MGST1: variants seen among roughly 807,000 people sequenced by gnomAD.
MGST1 encodes the protein microsomal glutathione S-transferase 1, also known as glutathione S-transferase 12.
In MGST1, 5 loss-of-function variants were observed where a neutral mutation model predicts 8.9. The observed-to-expected ratio is 0.56, with a 90% CI of 0.29 to 1.19. MGST1 has a LOEUF of 1.19. MGST1 is among the 50% of genes most tolerant of loss of function. The pLI is 0.08. For synonymous variants in MGST1, 54 were observed against 67.8 expected (o/e 0.80, Z 1.00); for missense variants, 182 against 187.4 (o/e 0.97, Z 0.17).
intron 1 of MGST1, among the ~76,000 whole-genome samples, chr12:16,416,927 C>T (rs1370819232): frequency 6.6e-6 from 1 of 151,962 alleles, no homozygotes; most frequent in African/African-American, 2.4e-5. Flanking sequence ...AAAGTGTGGA[C>T]CAAAAGCATG....
chr12:16,552,678 T>C (rs1942034018), intron 4 of MGST1, among the ~76,000 whole-genome samples: 1 of 152,106 alleles, frequency 6.6e-6, no homozygotes, highest in Non-Finnish European at 1.5e-5. Context: ...TCCCCAGGAT[T>C]ACTGCCTGCT....
At chr12:16,455,079 A>G (rs763169296) in intron 4 of MGST1, among the ~76,000 whole-genome samples, 8 of 151,904 alleles carry the variant, frequency 5.3e-5, no homozygotes, top group Non-Finnish European at 1.2e-4. Flanking sequence ...ATGTGTAAAA[A>G]TGAAAACTTT....
rs1012454931 is a variant in MGST1 at position 16,433,096 on chromosome 12, G to A, written n.779-4292G>A. On this transcript the variant is annotated intron_variant and non_coding_transcript_variant, in intron 1 of 1. Coordinates refer to the MGST1 transcript ENST00000359720. ...GGCCGTCTGCAAGCTGAGGAGCGAGGAAGCCAGTCCAAGTCCCAAAACTGA... is the reference window on the plus strand; with the variant it reads ...GGCCGTCTGCAAGCTGAGGAGCGAGAAAGCCAGTCCAAGTCCCAAAACTGA... Among the ~76,000 whole-genome samples, 6 of 152,050 alleles carry A rather than the reference G, an allele frequency of 3.9e-5. 1 individual carries two copies. The highest frequency in any genetic ancestry group is 1.4e-4 in the African/African-American group (6 of 41,422).
In MGST1 at chr12:16,350,093, T is replaced by C. The variant is rs546889693; in HGVS notation, c.-23+2383T>C. ...TAAGGCTCACAAGAATCCAGTGAAA[T>C]GGGAGTTCTTATTCAACTCCTTTCA... is the stretch of plus-strand genomic sequence containing the variant. On this transcript the variant is annotated intron_variant, in intron 1 of 3. Coordinates refer to ENST00000396210, the MANE Select transcript of MGST1 (RefSeq NM_020300.5). Among the ~76,000 whole-genome samples the C allele has an allele frequency of 6.6e-5, 10 of 152,270 alleles. No homozygotes were observed. The South Asian group carries it at 1.7e-3, about 25-fold the overall frequency.
chr12:16,400,933 C>T (rs1940649743), intron 1 of MGST1: 1 of 1,315,996 alleles, frequency 7.6e-7, no homozygotes, highest in Non-Finnish European at 1.1e-6. Context: ...CCTGTTCTCC[C>T]TTTTGTTCAG....
At chr12:16,451,611 A>G (rs1429322240) in intron 4 of MGST1, among the ~76,000 whole-genome samples, 1 of 151,902 alleles carries the variant, frequency 6.6e-6, no homozygotes, top group Non-Finnish European at 1.5e-5. Context: ...AACCTGTAAA[A>G]AACAAAAAAG....
chr12:16,417,835 C>T (rs1940799995), intron 1 of MGST1, among the ~76,000 whole-genome samples: 1 of 152,114 alleles, frequency 6.6e-6, no homozygotes, highest in Admixed American at 6.6e-5. Flanking sequence ...TCCCCAAACA[C>T]AACTACTAAA....
At chr12:16,511,760 T>A (rs1340498559) in intron 4 of MGST1, among the ~76,000 whole-genome samples, 1 of 152,192 alleles carries the variant, frequency 6.6e-6, no homozygotes, top group East Asian at 1.9e-4. Context: ...CTTTTCTTTT[T>A]CACCCCTTCT....
chr12:16,458,587 G>A lies in MGST1; in HGVS notation n.482+74983G>A, dbSNP rs1426100605. On this transcript the variant is annotated intron_variant and non_coding_transcript_variant, in intron 4 of 4. Transcript: ENST00000538857. This position sits in a 1 kb window ranked among gnomAD's most constrained non-coding sequence, Gnocchi z 4.0. ...TTATCAATGAATCTTGGCTGTACAA[G>A]GAAAAGTATTGCTTTAATATGTGTA... 6.6e-6 allele frequency among the ~76,000 whole-genome samples: 1 copy of A among 151,930 alleles called. No individual in the cohort carries two copies. Among genetic ancestry groups the A allele is most frequent in the East Asian group, 1.9e-4 (1 of 5,164 alleles).
intron 1 of MGST1, among the ~76,000 whole-genome samples, chr12:16,427,263 G>A (rs10772936): frequency 0.49 from 73,788 of 151,918 alleles, 18,011 homozygotes; most frequent in Non-Finnish European, 0.52. Context: ...GGTGATGAGT[G>A]GGAATGATCT....
intron 4 of MGST1, among the ~76,000 whole-genome samples, chr12:16,457,329 A>C (rs1324299368): frequency 6.6e-6 from 1 of 151,958 alleles, no homozygotes; most frequent in Non-Finnish European, 1.5e-5. Flanking sequence ...GAAACTTAGG[A>C]GTGTGCTCTA....
At chr12:16,462,462 A>G (rs1210715979) in intron 4 of MGST1, among the ~76,000 whole-genome samples, 2 of 152,178 alleles carry the variant, frequency 1.3e-5, no homozygotes, top group East Asian at 1.9e-4. Flanking sequence ...TAAATAGTAC[A>G]TCAATGAACT....
chr12:16,375,755 A>C (rs542347816), intron 3 of MGST1, among the ~76,000 whole-genome samples: 3 of 152,066 alleles, frequency 2.0e-5, no homozygotes, highest in Admixed American at 1.3e-4. Flanking sequence ...TGTTTTATCT[A>C]AAACAAAACA....
intron 4 of MGST1, among the ~76,000 whole-genome samples, chr12:16,467,057 T>C (rs61915303): frequency 6.6e-5 from 10 of 152,014 alleles, no homozygotes; most frequent in African/African-American, 2.2e-4. Flanking sequence ...TGTTCTTTTA[T>C]TTAAAAAAAA....
Position 16,364,274 on chromosome 12 carries a change from T to G in MGST1, c.*233T>G, listed in dbSNP as rs1001537066. The G allele has an allele frequency of 1.5e-5, 18 of 1,196,290 alleles. No individual in the cohort carries two copies. The highest frequency in any genetic ancestry group is 1.9e-5 in the Non-Finnish European group (18 of 961,608). The allele number at this position is 1,196,290 out of a possible 1,614,324, so 74.1% of individuals were successfully genotyped here. ...TTGTCTGATTTTTAAAGTACTTTCT[T>G]ATAAATTTGGATCATGTTATGATTT... On this transcript the variant is annotated 3_prime_UTR_variant, in exon 4 of 4. Transcript: ENST00000396210. This position sits in a 1 kb window ranked among gnomAD's most constrained non-coding sequence, Gnocchi z 5.7.
At chr12:16,397,637 A>G (rs1274668060) in intron 1 of MGST1, among the ~76,000 whole-genome samples, 2 of 152,014 alleles carry the variant, frequency 1.3e-5, no homozygotes, top group South Asian at 2.1e-4. Context: ...TGAATAGACA[A>G]TTCTCAATAA....
rs1023171376 is a variant in MGST1 at position 16,513,943 on chromosome 12, G to A, written n.483-75585G>A. 8.5e-5 allele frequency: 45 copies of A among 530,972 alleles called. No homozygotes were observed. The highest frequency in any genetic ancestry group is 5.8e-4 in the South Asian group (33 of 56,524). 32.9% of individuals were successfully genotyped at this position (530,972 alleles called of 1,614,324 possible). ...TCGATACTATGACCGCAAGACTTGC[G>A]GTTTTGACTTCACAGACACTGTGGA... On this transcript the variant is annotated intron_variant and non_coding_transcript_variant, in intron 4 of 4. Coordinates refer to the MGST1 transcript ENST00000538857. The surrounding 1 kb of genome is among the most constrained non-coding windows in gnomAD (Gnocchi z 4.2).
downstream of MGST1, among the ~76,000 whole-genome samples, chr12:16,366,924 T>C (rs1296187008): frequency 2.0e-5 from 3 of 151,992 alleles, no homozygotes; most frequent in East Asian, 3.9e-4. The surrounding 1 kb of genome is among the most constrained non-coding windows in gnomAD (Gnocchi z 4.0). Context: ...TCAAATGAAA[T>C]TGGAGAGGGG....
intron 1 of MGST1, chr12:16,437,350 C>CTGACAAGCTGAAGCT (rs1405202141): frequency 6.6e-6 from 1 of 151,936 alleles, no homozygotes; most frequent in Non-Finnish European, 1.5e-5. Flanking sequence ...AGGTGCCTGA[C>CTGACAAGCTGAAGCT]TGACAAGCTG....
Sources: gnomAD v4.1 joint callset for allele counts (sites outside exome capture counted in the v4.1 genomes callset) on GRCh38, gnomAD v4.1.1 for gene constraint, Gnocchi (gnomAD v3.1) non-coding constraint, MANE v1.5 for transcripts, NCBI Gene and HGNC (gene_info 2026-07-23, HGNC 2026-07-21) for gene names.